Variants in ACAD11 observed in about 807,000 individuals in gnomAD.
ACAD11 encodes acyl-CoA dehydrogenase family member 11, also known as acyl-Coenzyme A dehydrogenase family, member 11.
In ACAD11, 83 loss-of-function variants were observed where a neutral mutation model predicts 102.2. That is an observed-to-expected ratio of 0.81 (90% CI 0.68 to 0.97). The LOEUF (loss-of-function observed/expected upper bound fraction) is 0.97. Ranked by LOEUF, ACAD11 falls within the 50% of genes least tolerant of loss-of-function variation. The pLI is 0.00. For missense variants in ACAD11, 901 were observed against 951.7 expected, an observed-to-expected ratio of 0.95 and a Z score of 0.70; for synonymous variants, 324 against 319.8, an observed-to-expected ratio of 1.01 and a Z score of -0.14.
intron 13 of ACAD11, among the ~76,000 whole-genome samples, chr3:132,588,298 T>C (rs1394568930): frequency 6.6e-6 from 1 of 152,158 alleles, no homozygotes; most frequent in Non-Finnish European, 1.5e-5. Flanking sequence ...TCCACCAGAC[T>C]AGCGTAGAAC....
At chr3:132,586,859 G>T (rs940537967) in intron 13 of ACAD11, among the ~76,000 whole-genome samples, 3 of 152,352 alleles carry the variant, frequency 2.0e-5, no homozygotes, top group African/African-American at 7.2e-5. Context: ...TTGGGAAGCT[G>T]AGGTGGGCGG....
At chr3:132,634,449 C>T (rs1484340255) in intron 5 of ACAD11, among the ~76,000 whole-genome samples, 5 of 152,044 alleles carry the variant, frequency 3.3e-5, no homozygotes, top group Non-Finnish European at 7.4e-5. Context: ...CACTTTTACA[C>T]TGTTGGTGGG....
chr3:132,659,724 C>T lies in ACAD11; in HGVS notation c.28G>A (p.Asp10Asn), dbSNP rs759636072. 12 of 1,608,642 alleles carry T rather than the reference C, an allele frequency of 7.5e-6. No homozygotes were observed. Among genetic ancestry groups the T allele is most frequent in the Non-Finnish European group, 1.0e-5 (12 of 1,176,778 alleles). Residue 10 changes from aspartate (D) to asparagine (N), a missense_variant, in exon 1 of 20, where the codon GAT becomes AAT. Coordinates refer to ENST00000264990, the MANE Select transcript of ACAD11 (RefSeq NM_032169.5). ...TGCTGGGGCAGCACTTCGGCCAAAT[C>T]GGACTCGCCAGTAGCACCTGGCTTC... MKPGATGES[D>N]LAEVLPQHKF...
intron 5 of ACAD11, among the ~76,000 whole-genome samples, chr3:132,637,331 G>A (rs144649560): frequency 3.3e-4 from 50 of 152,164 alleles, no homozygotes; most frequent in African/African-American, 7.7e-4. Flanking sequence ...GATACTAAAG[G>A]TAGTTTTTGA....
chr3:132,570,795 G>A (rs537066839), intron 17 of ACAD11, among the ~76,000 whole-genome samples: 2 of 152,178 alleles, frequency 1.3e-5, no homozygotes, highest in African/African-American at 4.8e-5. Context: ...GTTGGCTAAG[G>A]ATAATGACCT....
chr3:132,610,341 A>C (rs1939078444), intron 11 of ACAD11, among the ~76,000 whole-genome samples: 1 of 152,178 alleles, frequency 6.6e-6, no homozygotes, highest in South Asian at 2.1e-4. Flanking sequence ...ACACATTCAA[A>C]AGCTAGCAGA....
intron 2 of ACAD11, 34 bp downstream of exon 2, chr3:132,644,763 C>T (rs761257701): frequency 7.2e-7 from 1 of 1,395,006 alleles, no homozygotes; most frequent in Non-Finnish European, 9.8e-7. Flanking sequence ...TTATTTGTCA[C>T]CAAAGAATTT....
intron 15 of ACAD11, among the ~76,000 whole-genome samples, chr3:132,577,888 A>T (rs1176236297): frequency 6.6e-6 from 1 of 151,984 alleles, no homozygotes; most frequent in Non-Finnish European, 1.5e-5. Context: ...TTTCGCTGCA[A>T]CCCAACAATT....
intron 13 of ACAD11, among the ~76,000 whole-genome samples, chr3:132,602,686 T>C (rs906394630): frequency 6.6e-6 from 1 of 152,202 alleles, no homozygotes; most frequent in Non-Finnish European, 1.5e-5. Context: ...CTACAAAAAA[T>C]GACATGTTTT....
intron 18 of ACAD11, among the ~76,000 whole-genome samples, chr3:132,560,778 T>A (rs567466970): frequency 6.6e-6 from 1 of 152,206 alleles, no homozygotes; most frequent in East Asian, 1.9e-4. Flanking sequence ...AAAAGTTAAG[T>A]ACTTTGCCCG....
intron 11 of ACAD11, among the ~76,000 whole-genome samples, chr3:132,611,598 A>G (rs1939151495): frequency 6.6e-6 from 1 of 152,100 alleles, no homozygotes; most frequent in Non-Finnish European, 1.5e-5. Flanking sequence ...ACAGAGAGCC[A>G]AATCATCAGT....
At chr3:132,580,277 G>A (rs1328452704) in intron 13 of ACAD11, among the ~76,000 whole-genome samples, 2 of 151,994 alleles carry the variant, frequency 1.3e-5, no homozygotes, top group Non-Finnish European at 2.9e-5. Flanking sequence ...AGAAATGTTA[G>A]GAATGATGTC....
At chr3:132,577,653 T>C (rs548731192) in intron 15 of ACAD11, among the ~76,000 whole-genome samples, 39 of 152,252 alleles carry the variant, frequency 2.6e-4, no homozygotes, top group Non-Finnish European at 3.7e-4. Flanking sequence ...TCACCCCTTC[T>C]CCCTGCCAAG....
intron 13 of ACAD11, among the ~76,000 whole-genome samples, chr3:132,584,388 CT>C (rs139886441): frequency 6.6e-6 from 1 of 151,462 alleles, no homozygotes; most frequent in Non-Finnish European, 1.5e-5. Flanking sequence ...CAACCCCTGC[CT>C]TTTTTTGTTT....
At chr3:132,641,605 G>GAAGAA (rs1559973802) in intron 4 of ACAD11, among the ~76,000 whole-genome samples, 43 of 115,222 alleles carry the variant, frequency 3.7e-4, no homozygotes, top group Non-Finnish European at 4.0e-4. Flanking sequence ...AAGAAGAAGA[G>GAAGAA]GAGGAAGAAG....
Position 132,641,832 on chromosome 3 carries a change from A to C in ACAD11, c.537+140T>G, listed in dbSNP as rs554605537. 18 of 705,252 alleles carry C rather than the reference A, an allele frequency of 2.6e-5. No homozygotes were observed. The African/African-American group carries it at 2.9e-4, about 11-fold the overall frequency. 43.7% of individuals were successfully genotyped at this position (705,252 alleles called of 1,614,324 possible). ...AAACATAAGATAATTTTATACTAAA[A>C]ACTAGTCATTCTGAAGGACAATGTT... On this transcript the variant is annotated intron_variant, in intron 4 of 19. Coordinates refer to ENST00000264990, the MANE Select transcript of ACAD11 (RefSeq NM_032169.5).
intron 13 of ACAD11, among the ~76,000 whole-genome samples, chr3:132,596,736 G>A (rs1314413619): frequency 6.6e-6 from 1 of 152,056 alleles, no homozygotes; most frequent in East Asian, 1.9e-4. Context: ...AAATACTCTG[G>A]GACAAGGATA....
intron 7 of ACAD11, among the ~76,000 whole-genome samples, chr3:132,629,029 A>G (rs544128474): frequency 2.6e-5 from 4 of 152,362 alleles, no homozygotes; most frequent in African/African-American, 7.2e-5. Flanking sequence ...AATTCCTTAT[A>G]TAATAAAACA....
rs1559926063 is a variant in ACAD11, at chr3:132,558,174, T to C, written c.*797A>G. ...AGATATAGCCTTTAATTCCTAATGT[T>C]CAAAAACAATCCTGTCTTCTAAATC... On this transcript the variant is annotated 3_prime_UTR_variant, in exon 20 of 20. Transcript: ENST00000264990. 1 of 152,142 alleles carries C rather than the reference T, an allele frequency of 6.6e-6. No homozygotes were observed. The highest frequency in any genetic ancestry group is 1.5e-5 in the Non-Finnish European group (1 of 68,006). The allele number at this position is 152,142 out of a possible 1,614,324, so 9.4% of individuals were successfully genotyped here. A position where few individuals can be genotyped will look rare whatever the true frequency, so the allele number is the denominator to read the frequency against.
Sources: gnomAD v4.1 joint callset for allele counts (sites outside exome capture counted in the v4.1 genomes callset) on GRCh38, gnomAD v4.1.1 for gene constraint, MANE v1.5 for transcripts, NCBI Gene and HGNC (gene_info 2026-07-23, HGNC 2026-07-21) for gene names.